The following FAM234A variants were observed in gnomAD, a reference collection of about 807,000 sequenced individuals.
FAM234A encodes the protein protein FAM234A.
FAM234A carries 42 observed loss-of-function variants against 49.1 expected under a neutral mutation model. That is an observed-to-expected ratio of 0.86 (90% CI 0.67 to 1.11). The LOEUF (loss-of-function observed/expected upper bound fraction) is 1.11. Ranked by LOEUF, FAM234A falls within the 50% of genes least tolerant of loss-of-function variation. The probability of loss-of-function intolerance (pLI) is 0.00; values close to 1 mark genes in which losing one functional copy is unlikely to be tolerated. For synonymous variants in FAM234A, 369 were observed against 316.2 expected, an observed-to-expected ratio of 1.17 and a Z score of -1.77; for missense variants, 815 against 745.2, an observed-to-expected ratio of 1.09 and a Z score of -1.09.
chr16:239,313 T>C (rs902479158), intron 1 of FAM234A, among the ~76,000 whole-genome samples: 6 of 125,190 alleles, frequency 4.8e-5, no homozygotes, highest in Non-Finnish European at 8.5e-5. Context: ...AAAATAAAAA[T>C]AAAAATAAAT....
At chr16:245,976 G>A (rs1396282335) in intron 1 of FAM234A, among the ~76,000 whole-genome samples, 1 of 152,028 alleles carries the variant, frequency 6.6e-6, no homozygotes, top group African/African-American at 2.4e-5. Context: ...AGAGGCTTAG[G>A]TGGGCAGATC....
intron 11 of FAM234A, 42 bp from the exon 12 acceptor site, chr16:264,572 C>G: frequency 7.5e-7 from 1 of 1,330,506 alleles, no homozygotes; most frequent in South Asian, 1.2e-5. Context: ...TGTGGGAGTG[C>G]TCAGTGAAGG....
chr16:261,725 A>G (rs150002531), intron 6 of FAM234A, among the ~76,000 whole-genome samples: 114 of 152,294 alleles, frequency 7.5e-4, no homozygotes, highest in African/African-American at 2.5e-3. Context: ...CTCCCCAAGA[A>G]TGGTGGAGTA....
chr16:252,899 C>T (rs977122393), intron 2 of FAM234A, among the ~76,000 whole-genome samples: 10 of 152,154 alleles, frequency 6.6e-5, no homozygotes, highest in Non-Finnish European at 1.2e-4. Flanking sequence ...TCTTTCACCC[C>T]TCCCTTTGCT....
At chr16:258,973 AG>A (rs1439407931) in intron 3 of FAM234A, among the ~76,000 whole-genome samples, 1 of 152,152 alleles carries the variant, frequency 6.6e-6, no homozygotes, top group Non-Finnish European at 1.5e-5. Flanking sequence ...TAGTAGAGAC[AG>A]GGTTTCACAC....
intron 8 of FAM234A, 27 bp downstream of exon 8, chr16:262,580 A>G (rs1392471452): frequency 5.2e-6 from 8 of 1,553,240 alleles, no homozygotes; most frequent in Non-Finnish European, 6.1e-6. Flanking sequence ...GCCTTTCTCC[A>G]TGCAGAGCGC....
rs2051380505 is a variant in FAM234A at position 259,719 on chromosome 16, C to G, written c.385+120C>G. ...AGATGGTGGTGTTTCTGGAACCCAT[C>G]TCGTCATCCTTCCTGGCAGACCAGA... On this transcript the variant is annotated intron_variant, in intron 4 of 12. Transcript: ENST00000399932. The G allele has an allele frequency of 5.2e-6, 4 of 764,494 alleles. 1 individual carries two copies. In the East Asian group the frequency reaches 9.7e-5, roughly 19 times the overall value. The allele number at this position is 764,494 out of a possible 1,614,324, so 47.4% of individuals were successfully genotyped here. A position where few individuals can be genotyped will look rare whatever the true frequency, so the allele number is the denominator to read the frequency against.
chr16:258,522 A>T (rs532280444), intron 3 of FAM234A, among the ~76,000 whole-genome samples: 1 of 152,240 alleles, frequency 6.6e-6, no homozygotes, highest in Admixed American at 6.5e-5. Flanking sequence ...TTCTTAGTAC[A>T]GAACAAAATG....
At chr16:263,135 T>C (rs1337416183) in intron 8 of FAM234A, 127 bp from the exon 9 acceptor site, 1 of 1,179,376 alleles carries the variant, frequency 8.5e-7, no homozygotes, top group Non-Finnish European at 1.2e-6. Flanking sequence ...TTTCAAGCTG[T>C]AGAACTGAGA....
rs748933163 is a variant in FAM234A, at chr16:265,565, C to T, written c.*543C>T. The T allele has an allele frequency of 2.5e-4, 244 of 985,850 alleles. No individual in the cohort carries two copies. Among genetic ancestry groups the T allele is most frequent in the Non-Finnish European group, 2.8e-4 (229 of 830,268 alleles). 61.1% of individuals were successfully genotyped at this position (985,850 alleles called of 1,614,324 possible). ...CGGGAACCTGAGACAGCTCCAGCTT[C>T]GCAGCCCTTCCCGGAGCTACAGGGG... On this transcript the variant is annotated 3_prime_UTR_variant, in exon 13 of 13. Transcript: ENST00000399932.
chr16:243,909 T>C (rs1351886479), intron 1 of FAM234A, among the ~76,000 whole-genome samples: 3 of 152,192 alleles, frequency 2.0e-5, no homozygotes, highest in Non-Finnish European at 4.4e-5. Flanking sequence ...AGGTAAGTAT[T>C]TGGGGAGTAT....
downstream of FAM234A, among the ~76,000 whole-genome samples, chr16:267,789 TCA>T (rs1446082156): frequency 1.0e-5 from 1 of 98,820 alleles, no homozygotes; most frequent in Non-Finnish European, 1.8e-5. Flanking sequence ...CACACATGCC[TCA>T]CAGTACACCA....
At chr16:249,981 T>C (rs7196729) in intron 2 of FAM234A, among the ~76,000 whole-genome samples, 24,632 of 152,122 alleles carry the variant, frequency 0.16, 2,193 homozygotes, top group East Asian at 0.3. Context: ...AGTCTCGCTC[T>C]GTCGCCCAGG....
intron 3 of FAM234A, among the ~76,000 whole-genome samples, chr16:257,236 C>CTTTTT (rs759071082): frequency 6.7e-5 from 6 of 89,014 alleles, no homozygotes; most frequent in Admixed American, 1.2e-4. Context: ...TCAATGAAGT[C>CTTTTT]TTTTTTTTTT....
chr16:257,123 C>T (rs2051264051), intron 3 of FAM234A, among the ~76,000 whole-genome samples: 1 of 152,138 alleles, frequency 6.6e-6, no homozygotes. Context: ...AAGTGATCCG[C>T]CTGCCTTGGC....
At chr16:242,041 G>A (rs560029077) in intron 1 of FAM234A, among the ~76,000 whole-genome samples, 1 of 152,246 alleles carries the variant, frequency 6.6e-6, no homozygotes, top group South Asian at 2.1e-4. Flanking sequence ...TGCATGGACT[G>A]TGGTATTCCT....
chr16:252,185 G>GTTTTTTTT (rs35208632), intron 2 of FAM234A, among the ~76,000 whole-genome samples: 2 of 119,838 alleles, frequency 1.7e-5, no homozygotes, highest in Non-Finnish European at 3.4e-5. Flanking sequence ...TCTGTTTTTT[G>GTTTTTTTT]TTTTTTTTTT....
At chr16:241,790 A>G (rs759265459) in intron 1 of FAM234A, among the ~76,000 whole-genome samples, 17 of 145,880 alleles carry the variant, frequency 1.2e-4, no homozygotes, top group South Asian at 2.2e-4. Flanking sequence ...GGTGGCGGGC[A>G]CCTGTAGTCC....
At position 265,856 on chromosome 16, in the gene FAM234A, C is replaced by G. The variant is rs536594539; in HGVS notation, c.*834C>G. On this transcript the variant is annotated 3_prime_UTR_variant, in exon 13 of 13. Coordinates refer to ENST00000399932, the MANE Select transcript of FAM234A (RefSeq NM_032039.4). Reference sequence around the variant, plus strand: ...AGCTGCTCTGTCCCTGAAGAGGCCCCGTGCCCCAGGCATGGCAAGCGCCTG... The same window carrying G: ...AGCTGCTCTGTCCCTGAAGAGGCCCGGTGCCCCAGGCATGGCAAGCGCCTG... The G allele has an allele frequency of 8.2e-5, 81 of 986,016 alleles. No homozygotes were observed. In the African/African-American group the frequency reaches 1.3e-3, roughly 16 times the overall value. 61.1% of individuals were successfully genotyped at this position (986,016 alleles called of 1,614,324 possible).
Sources: allele counts gnomAD v4.1 joint callset (sites outside exome capture counted in the v4.1 genomes callset), GRCh38; gene constraint gnomAD v4.1.1; transcripts MANE v1.5; gene names NCBI Gene and HGNC (gene_info 2026-07-23, HGNC 2026-07-21).